The following LEKR1 variants were observed in gnomAD, a reference collection of about 807,000 sequenced individuals.
LEKR1 encodes the protein leucine, glutamate and lysine rich 1.
Under a neutral mutation model 72.4 loss-of-function variants are expected in LEKR1, and 59 were observed. That is an observed-to-expected ratio of 0.82 (90% CI 0.66 to 1.01). LEKR1 has a LOEUF of 1.01. LEKR1 is among the 50% of genes least tolerant of loss of function. The probability of loss-of-function intolerance (pLI) is 0.00; values close to 1 mark genes in which losing one functional copy is unlikely to be tolerated. For synonymous variants in LEKR1, 257 were observed against 263.2 expected, an observed-to-expected ratio of 0.98 and a Z score of 0.23; for missense variants, 728 against 759.2, an observed-to-expected ratio of 0.96 and a Z score of 0.48.
intron 6 of LEKR1, chr3:156,977,820 T>A (rs1384538): frequency 0.53 from 114,774 of 216,814 alleles, 32,431 homozygotes; most frequent in East Asian, 0.73. Flanking sequence ...CACATGCTAG[T>A]CTGAATGCCT....
intron 10 of LEKR1, among the ~76,000 whole-genome samples, chr3:157,017,884 G>A (rs1733483271): frequency 6.9e-6 from 1 of 145,394 alleles, no homozygotes; most frequent in South Asian, 2.1e-4. Context: ...AGGAGGCGGA[G>A]CTTGCAGTCA....
chr3:156,988,754 G>T, intron 7 of LEKR1: 1 of 182,354 alleles, frequency 5.5e-6, no homozygotes, highest in East Asian at 1.2e-4. Context: ...ATCTTTGAGG[G>T]GGAGGGAACT....
At chr3:156,973,568 A>T (rs987452628) in intron 6 of LEKR1, among the ~76,000 whole-genome samples, 1 of 152,188 alleles carries the variant, frequency 6.6e-6, no homozygotes, top group African/African-American at 2.4e-5. Context: ...TAACTGGGTC[A>T]CATGCTGCGT....
At position 157,045,423 on chromosome 3, in the gene LEKR1, G is replaced by A; in HGVS notation, c.1752G>A (p.Gln584=). ...AGGCTTTGAGTCAAGCCAGAGAACA[G>A]CTCCTGGAGCTCAGTAAGCTTCGTG... ...LTEALSQARE[Q]LLELSKLRGS... is the part of the protein sequence containing the mutation. Residue 584 remains glutamine, a synonymous_variant, in exon 13 of 13, where the codon CAG becomes CAA. Transcript: ENST00000356539. The A allele has an allele frequency of 6.2e-7, 1 of 1,614,134 alleles. No individual in the cohort carries two copies. The highest frequency in any genetic ancestry group is 8.5e-7 in the Non-Finnish European group (1 of 1,180,012).
At chr3:156,940,870 G>T (rs1372255021) in intron 5 of LEKR1, among the ~76,000 whole-genome samples, 2 of 152,078 alleles carry the variant, frequency 1.3e-5, no homozygotes, top group Non-Finnish European at 2.9e-5. Flanking sequence ...TGATAAATAG[G>T]TGACACCACG....
intron 6 of LEKR1, among the ~76,000 whole-genome samples, chr3:156,969,823 A>AG (rs1728995829): frequency 6.6e-6 from 1 of 152,198 alleles, no homozygotes; most frequent in African/African-American, 2.4e-5. Context: ...CAACAAAAAA[A>AG]GAGAATTTTC....
chr3:157,001,459 G>C (rs1354915126), intron 9 of LEKR1, among the ~76,000 whole-genome samples: 1 of 152,172 alleles, frequency 6.6e-6, no homozygotes, highest in Non-Finnish European at 1.5e-5. Flanking sequence ...ATTATGGTTT[G>C]ACATTTGTTT....
chr3:156,998,482 T>C (rs1297549701), intron 9 of LEKR1, among the ~76,000 whole-genome samples: 1 of 152,188 alleles, frequency 6.6e-6, no homozygotes, highest in Non-Finnish European at 1.5e-5. Flanking sequence ...TGCTGTATTA[T>C]CTTTATCTTG....
intron 12 of LEKR1, 70 bp from the exon 13 acceptor site, chr3:157,045,270 G>A: frequency 2.3e-6 from 3 of 1,295,270 alleles, no homozygotes; most frequent in East Asian, 4.6e-5. Flanking sequence ...AAATTGTATT[G>A]TCCGTAACTA....
chr3:156,845,281 TA>T, intron 2 of LEKR1, among the ~76,000 whole-genome samples: 1 of 152,042 alleles, frequency 6.6e-6, no homozygotes, highest in East Asian at 1.9e-4. Flanking sequence ...TCCTGGTCTG[TA>T]GCTTGTCTTT....
intron 3 of LEKR1, among the ~76,000 whole-genome samples, chr3:156,869,970 C>T (rs559390675): frequency 6.6e-6 from 1 of 152,144 alleles, no homozygotes; most frequent in Non-Finnish European, 1.5e-5. Flanking sequence ...GTGTCCTTTT[C>T]CCAGTGTGTG....
chr3:156,888,585 G>A (rs1720343252), intron 3 of LEKR1: 3 of 502,954 alleles, frequency 6.0e-6, no homozygotes, highest in African/African-American at 1.9e-5. Context: ...TATGAAGAAA[G>A]AGAGAGCTAA....
At chr3:156,853,664 T>TTAAG (rs1283172687) in intron 3 of LEKR1, among the ~76,000 whole-genome samples, 1 of 152,118 alleles carries the variant, frequency 6.6e-6, no homozygotes, top group Non-Finnish European at 1.5e-5. Flanking sequence ...GGAAACTTGC[T>TTAAG]TAAGTCTCTT....
Position 157,028,103 on chromosome 3 carries a change from A to T in LEKR1, c.1369A>T (p.Ile457Leu). Residue 457 changes from isoleucine to leucine, a missense_variant and splice_region_variant, in exon 12 of 13, where the codon ATA (isoleucine) becomes TTA (leucine). Physicochemically the swap from Ile to Leu is conservative, Grantham distance 5 (BLOSUM62 2). Coordinates refer to ENST00000356539, the MANE Select transcript of LEKR1 (RefSeq NM_001004316.3). Reference protein sequence around the residue: ...KKEQEELQMKISDLITGATRD... With the variant: ...KKEQEELQMKLSDLITGATRD... ...AGCTAATATGAGATTTATCTTACAG[A>T]TATCTGACTTAATCACAGGCGCTAC... The T allele has an allele frequency of 6.4e-7, 1 of 1,553,620 alleles. No homozygotes were observed. The highest frequency in any genetic ancestry group is 8.7e-7 in the Non-Finnish European group (1 of 1,150,900).
chr3:157,005,315 A>C (rs543452804), intron 9 of LEKR1, among the ~76,000 whole-genome samples: 1 of 152,266 alleles, frequency 6.6e-6, no homozygotes, highest in African/African-American at 2.4e-5. Flanking sequence ...TGTAATTTAA[A>C]ATCTTCTCAC....
chr3:156,905,788 A>G (rs915666192), intron 3 of LEKR1, among the ~76,000 whole-genome samples: 4 of 152,222 alleles, frequency 2.6e-5, no homozygotes, highest in African/African-American at 9.6e-5. Flanking sequence ...AGGAGCAGGT[A>G]TAGAAGCCAC....
At chr3:157,015,265 G>A (rs1302531883) in intron 10 of LEKR1, among the ~76,000 whole-genome samples, 1 of 152,072 alleles carries the variant, frequency 6.6e-6, no homozygotes, top group Non-Finnish European at 1.5e-5. Context: ...AGTTGCACAG[G>A]GAAGAACACT....
chr3:156,833,023 G>T (rs543063273), intron 2 of LEKR1, among the ~76,000 whole-genome samples: 1 of 152,272 alleles, frequency 6.6e-6, no homozygotes, highest in South Asian at 2.1e-4. Flanking sequence ...TAGAGAGAAA[G>T]AAATATGCTC....
chr3:156,941,135 T>C (rs1410257578), intron 5 of LEKR1, among the ~76,000 whole-genome samples: 2 of 108,122 alleles, frequency 1.8e-5, no homozygotes, highest in East Asian at 8.1e-4. Context: ...ATAGCTATTT[T>C]GAGGAAAAAA....
Sources: allele counts gnomAD v4.1 joint callset (sites outside exome capture counted in the v4.1 genomes callset), GRCh38; gene constraint gnomAD v4.1.1; transcripts MANE v1.5; gene names NCBI Gene and HGNC (gene_info 2026-07-23, HGNC 2026-07-21).